Variants in CA10 observed in about 807,000 individuals in gnomAD.
CA10 encodes the protein carbonic anhydrase 10 (inactive).
A neutral mutation model predicts 44.2 loss-of-function variants in CA10; 14 were observed. The ratio of observed to expected loss-of-function variants is 0.32; its 90% confidence interval spans 0.21 to 0.50. CA10 has a LOEUF of 0.50. CA10 is among the 20% of genes least tolerant of loss of function. The pLI is 0.99. For missense variants in CA10, 350 were observed against 409.7 expected (o/e 0.85, Z 1.26); for synonymous variants, 159 against 141.6 (o/e 1.12, Z -0.87).
intron 4 of CA10, among the ~76,000 whole-genome samples, chr17:51,730,056 G>C (rs992008554): frequency 6.6e-6 from 1 of 152,202 alleles, no homozygotes. Context: ...CAATCTGGAT[G>C]TACCCACAAT....
At chr17:51,978,587 A>G (rs1984542865) in intron 2 of CA10, among the ~76,000 whole-genome samples, 1 of 152,248 alleles carries the variant, frequency 6.6e-6, no homozygotes, top group African/African-American at 2.4e-5. Context: ...AAAAGTATAC[A>G]AAAAATGTAC....
Position 51,954,685 on chromosome 17 carries a change from TA to T in CA10, c.137-23554del, listed in dbSNP as rs558985282. Among the ~76,000 whole-genome samples the T allele has an allele frequency of 1.7e-3, 258 of 152,346 alleles. 2 individuals are homozygous for T. Among genetic ancestry groups the T allele is most frequent in the African/African-American group, 5.9e-3 (245 of 41,574 alleles). ...AATAAAGTCCTGATCAGATTGCTTT[TA>T]TTCTGCTTTCTCTGAAGCCAAGAAA... On this transcript the variant is annotated intron_variant, in intron 2 of 8. Coordinates refer to ENST00000451037, the MANE Select transcript of CA10 (RefSeq NM_020178.5).
intron 4 of CA10, among the ~76,000 whole-genome samples, chr17:51,676,017 G>A (rs898271118): frequency 6.6e-6 from 1 of 152,206 alleles, no homozygotes; most frequent in Admixed American, 6.5e-5. Context: ...TGGTAAGTCA[G>A]CAATGGCTGC....
At chr17:51,634,304 A>C (rs1912726011) in intron 7 of CA10, among the ~76,000 whole-genome samples, 1 of 152,236 alleles carries the variant, frequency 6.6e-6, no homozygotes. Context: ...TAGCTCTCAA[A>C]TAAATGCTTT....
intron 3 of CA10, among the ~76,000 whole-genome samples, chr17:51,810,042 G>T (rs1175790339): frequency 2.0e-5 from 3 of 152,138 alleles, no homozygotes; most frequent in Middle Eastern, 3.2e-3. Flanking sequence ...GGGACAGAAT[G>T]CTGTCATTTA....
chr17:51,880,706 C>G (rs553667265), intron 3 of CA10, among the ~76,000 whole-genome samples: 67 of 151,938 alleles, frequency 4.4e-4, no homozygotes, highest in Middle Eastern at 6.8e-3. Flanking sequence ...TGCCAATCTC[C>G]TATAGGAAAT....
intron 4 of CA10, among the ~76,000 whole-genome samples, chr17:51,677,665 T>TAG (rs202102954): frequency 6.0e-5 from 9 of 150,208 alleles, no homozygotes; most frequent in Admixed American, 2.0e-4. Context: ...CAGGGTGGAG[T>TAG]AGAGAGAGAG....
intron 3 of CA10, among the ~76,000 whole-genome samples, chr17:51,905,188 T>C (rs1981491321): frequency 6.6e-6 from 1 of 152,140 alleles, no homozygotes. Context: ...CTCCATAAAT[T>C]GCAGTTGACG....
intron 4 of CA10, among the ~76,000 whole-genome samples, chr17:51,706,005 T>A (rs931404512): frequency 6.6e-6 from 1 of 152,220 alleles, no homozygotes; most frequent in Admixed American, 6.5e-5. Context: ...TGAGTAGGAA[T>A]CTGTGTAGCG....
At chr17:51,638,890 C>T (rs1054750603) in intron 6 of CA10, among the ~76,000 whole-genome samples, 1 of 151,924 alleles carries the variant, frequency 6.6e-6, no homozygotes, top group Non-Finnish European at 1.5e-5. Context: ...CAGAGCAATG[C>T]TAGAAAAAGA....
chr17:51,638,751 T>C (rs1267422606), intron 6 of CA10, among the ~76,000 whole-genome samples: 4 of 152,204 alleles, frequency 2.6e-5, no homozygotes, highest in Non-Finnish European at 5.9e-5. Flanking sequence ...CTGTGAGTTC[T>C]GTCTGGGGCG....
intron 3 of CA10, among the ~76,000 whole-genome samples, chr17:51,831,724 CAGCAGCAGAAAA>C: frequency 8.6e-6 from 1 of 116,280 alleles, no homozygotes. Flanking sequence ...GCAGCAGCAG[CAGCAGCAGAAAA>C]AGACCTTCCT....
intron 1 of CA10, among the ~76,000 whole-genome samples, chr17:52,081,229 C>T (rs892886316): frequency 4.6e-5 from 7 of 152,202 alleles, no homozygotes; most frequent in Non-Finnish European, 7.3e-5. Context: ...CAGTGATGGT[C>T]TCTGAAATTA....
intron 4 of CA10, among the ~76,000 whole-genome samples, chr17:51,684,261 T>C (rs147471682): frequency 1.2e-4 from 19 of 152,202 alleles, no homozygotes; most frequent in Admixed American, 1.3e-4. Flanking sequence ...CCAGAAAGAA[T>C]GAAGCCCTAC....
At chr17:51,912,864 C>T (rs1406177035) in intron 3 of CA10, among the ~76,000 whole-genome samples, 2 of 152,174 alleles carry the variant, frequency 1.3e-5, no homozygotes, top group African/African-American at 2.4e-5. Flanking sequence ...GATAAAATAT[C>T]CATCTAAAAC....
intron 4 of CA10, among the ~76,000 whole-genome samples, chr17:51,667,469 G>C (rs1344594339): frequency 6.6e-6 from 1 of 152,004 alleles, no homozygotes; most frequent in Non-Finnish European, 1.5e-5. Flanking sequence ...TGTGTGTACT[G>C]CCCAGATGGA....
At chr17:51,931,508 T>C (rs1190790451) in intron 2 of CA10, among the ~76,000 whole-genome samples, 3 of 152,196 alleles carry the variant, frequency 2.0e-5, no homozygotes, top group Non-Finnish European at 4.4e-5. Flanking sequence ...GCTTTTCCTA[T>C]CTGGCAAGAA....
chr17:52,107,071 G>A (rs577854034), intron 1 of CA10, among the ~76,000 whole-genome samples: 2 of 152,246 alleles, frequency 1.3e-5, no homozygotes, highest in South Asian at 4.1e-4. Context: ...GAAGAACCAT[G>A]ACCAGGAGCC....
At chr17:52,159,097 G>C (rs1226269679), upstream of CA10, among the ~76,000 whole-genome samples, 1 of 152,214 alleles carries the variant, frequency 6.6e-6, no homozygotes, top group African/African-American at 2.4e-5. Flanking sequence ...CGTGCTGCGG[G>C]TTCGGCGCGG....
Sources: gnomAD v4.1 joint callset for allele counts (sites outside exome capture counted in the v4.1 genomes callset) on GRCh38, gnomAD v4.1.1 for gene constraint, MANE v1.5 for transcripts, NCBI Gene and HGNC (gene_info 2026-07-23, HGNC 2026-07-21) for gene names.